DNMT3B: variants seen among roughly 807,000 people sequenced by gnomAD.
DNMT3B encodes the protein DNA (cytosine-5)-methyltransferase 3B.
In DNMT3B, 37 loss-of-function variants were observed where a neutral mutation model predicts 120.2. That is an observed-to-expected ratio of 0.31 (90% CI 0.24 to 0.40). The LOEUF (loss-of-function observed/expected upper bound fraction) is 0.40, where lower values mean the gene tolerates loss of function less well. Ranked by LOEUF, DNMT3B falls within the 10% of genes least tolerant of loss-of-function variation. The pLI is 1.00. For synonymous variants in DNMT3B, 412 were observed against 442.8 expected (o/e 0.93, Z 0.87); for missense variants, 878 against 1,137.3 (o/e 0.77, Z 3.28).
chr20:32,764,143 A>G, intron 1 of DNMT3B, among the ~76,000 whole-genome samples: 1 of 152,106 alleles, frequency 6.6e-6, no homozygotes, highest in Non-Finnish European at 1.5e-5. Flanking sequence ...TCCTTAAGGA[A>G]GCATAGTTCT....
chr20:32,789,128 A>T (rs1243686189), intron 7 of DNMT3B, 116 bp downstream of exon 7: 14 of 1,465,794 alleles, frequency 9.6e-6, no homozygotes, highest in Non-Finnish European at 1.1e-5. Flanking sequence ...ATGCCTTCAC[A>T]CTGTCTGGGA....
intron 1 of DNMT3B, among the ~76,000 whole-genome samples, chr20:32,773,440 G>A (rs1987867694): frequency 6.6e-6 from 1 of 152,038 alleles, no homozygotes; most frequent in Admixed American, 6.6e-5. Flanking sequence ...TTCTTGATTG[G>A]CCCTGTGGTG....
At chr20:32,804,043 T>C (rs1981681344) in intron 20 of DNMT3B, among the ~76,000 whole-genome samples, 1 of 152,046 alleles carries the variant, frequency 6.6e-6, no homozygotes, top group South Asian at 2.1e-4. Flanking sequence ...ACAGTGTGAG[T>C]GGTGGCCCCT....
At chr20:32,798,406 G>T in intron 14 of DNMT3B, 54 bp from the exon 15 acceptor site, 2 of 1,607,646 alleles carry the variant, frequency 1.2e-6, no homozygotes, top group Non-Finnish European at 8.5e-7. Flanking sequence ...TAAGGGGGTG[G>T]CACAGGAGAC....
chr20:32,793,502 T>A (rs770538114), intron 9 of DNMT3B, 34 bp from the exon 10 acceptor site: 2 of 1,611,366 alleles, frequency 1.2e-6, no homozygotes, highest in Non-Finnish European at 1.7e-6. Context: ...TAATGTAATG[T>A]TTTTTCTGTT....
intron 13 of DNMT3B, 130 bp from the exon 14 acceptor site, chr20:32,797,057 G>T (rs201038667): frequency 1.2e-6 from 2 of 1,605,620 alleles, no homozygotes; most frequent in African/African-American, 1.3e-5. Flanking sequence ...ACAGCCAGTT[G>T]TCCTTTTAAA....
intron 20 of DNMT3B, among the ~76,000 whole-genome samples, chr20:32,804,072 A>G (rs144886344): frequency 7.9e-4 from 120 of 152,258 alleles, no homozygotes; most frequent in African/African-American, 2.8e-3. Context: ...CAGCACAGCA[A>G]TCCTGTGACT....
chr20:32,778,969 T>C (rs1332626871), intron 1 of DNMT3B, among the ~76,000 whole-genome samples: 1 of 151,816 alleles, frequency 6.6e-6, no homozygotes, highest in Non-Finnish European at 1.5e-5. Context: ...GATGGATGGA[T>C]GGATGGATGG....
In DNMT3B at chr20:32,780,362, C is replaced by T. The variant is rs147580720; in HGVS notation, c.39C>T (p.Asp13=). 58 of 1,613,866 alleles carry T rather than the reference C, an allele frequency of 3.6e-5. No individual in the cohort carries two copies. In the Middle Eastern group the frequency reaches 6.6e-4, roughly 18 times the overall value. ...CCAGGCATCTCAATGGAGAGGAGGA[C>T]GCCGGCGGGAGGGAAGACTCGATCC... ...GDTRHLNGEE[D]AGGREDSILV... The change falls in exon 2 of 23, where the codon GAC becomes GAT. Residue 13 remains aspartate (D), a synonymous_variant. Coordinates refer to ENST00000328111, the MANE Select transcript of DNMT3B (RefSeq NM_006892.4).
chr20:32,796,083 G>T (rs968602724), intron 12 of DNMT3B, among the ~76,000 whole-genome samples: 2 of 152,154 alleles, frequency 1.3e-5, no homozygotes, highest in Non-Finnish European at 2.9e-5. Flanking sequence ...CACTGGATTG[G>T]ATACTCTGAT....
intron 15 of DNMT3B, among the ~76,000 whole-genome samples, 187 bp downstream of exon 15, chr20:32,798,830 A>T (rs757845106): frequency 5.9e-5 from 9 of 151,720 alleles, no homozygotes; most frequent in Non-Finnish European, 1.3e-4. Context: ...GGGTTCATTC[A>T]CTCCCTCCTT....
Position 32,787,334 on chromosome 20 carries a change from G to A in DNMT3B, c.537G>A (p.Gly179=), listed in dbSNP as rs778458712. The change falls in exon 6 of 23, where the codon GGG becomes GGA. Residue 179 remains glycine, a synonymous_variant. Transcript: ENST00000328111. ...DLTDDTEDTH[G]TPQSSSTPYA... ...CAGACGACACAGAGGACACACATGGGACGCCCCAGAGCAGCAGTACCCCCT... is the reference window on the plus strand; with the variant it reads ...CAGACGACACAGAGGACACACATGGAACGCCCCAGAGCAGCAGTACCCCCT... The A allele has an allele frequency of 3.1e-6, 5 of 1,614,096 alleles. No individual in the cohort carries two copies. The African/African-American group carries it at 6.7e-5, about 22-fold the overall frequency.
At chr20:32,777,589 T>C (rs1188138142) in intron 1 of DNMT3B, among the ~76,000 whole-genome samples, 1 of 152,192 alleles carries the variant, frequency 6.6e-6, no homozygotes, top group Non-Finnish European at 1.5e-5. Flanking sequence ...CCAGAGCACT[T>C]TGGGGAGGTG....
At chr20:32,787,095 C>T in intron 5 of DNMT3B, 135 bp from the exon 6 acceptor site, 2 of 1,071,146 alleles carry the variant, frequency 1.9e-6, no homozygotes, top group East Asian at 4.7e-5. Context: ...GGAAAAGTTT[C>T]TTCAGCGGTC....
At chr20:32,766,027 G>A (rs1987347732) in intron 1 of DNMT3B, among the ~76,000 whole-genome samples, 1 of 152,158 alleles carries the variant, frequency 6.6e-6, no homozygotes, top group Non-Finnish European at 1.5e-5. Context: ...AAAGTGCTGA[G>A]ATTACAGGCG....
At chr20:32,803,138 A>G (rs924235531) in intron 20 of DNMT3B, among the ~76,000 whole-genome samples, 2 of 152,214 alleles carry the variant, frequency 1.3e-5, no homozygotes, top group Admixed American at 6.5e-5. Context: ...GGAGCATTTC[A>G]TATTTTGTTA....
intron 14 of DNMT3B, 63 bp from the exon 15 acceptor site, chr20:32,798,397 A>C (rs1980898047): frequency 1.2e-6 from 2 of 1,601,884 alleles, no homozygotes; most frequent in African/African-American, 1.3e-5. Flanking sequence ...TGGAAGTGGT[A>C]AGGGGGTGGC....
In DNMT3B at chr20:32,801,381, A is replaced by G. The variant is rs1359981895; in HGVS notation, c.2100A>G (p.Val700=). The G allele has an allele frequency of 1.2e-6, 2 of 1,614,020 alleles. No homozygotes were observed. Among genetic ancestry groups the G allele is most frequent in the Admixed American group, 1.7e-5 (1 of 60,000 alleles). ...TCTTCTGGATGTTTGAGAATGTTGT[A>G]GCCATGAAGGTTGGCGACAAGAGGG... ...RPFFWMFENV[V]AMKVGDKRDI... The change falls in exon 19 of 23, where the codon GTA becomes GTG. Residue 700 remains valine, a synonymous_variant. Transcript: ENST00000328111.
Position 32,793,548 on chromosome 20 carries a change from C to T in DNMT3B, c.1079C>T (p.Ser360Leu), listed in dbSNP as rs766544393. 7.1e-5 allele frequency: 115 copies of T among 1,614,032 alleles called. No homozygotes were observed. Among genetic ancestry groups the T allele is most frequent in the Non-Finnish European group, 9.0e-5 (106 of 1,180,030 alleles). Reference protein sequence around the residue: ...PNNTQPVVNKSKVRRAGSRKL... With the variant: ...PNNTQPVVNKLKVRRAGSRKL... ...TTCCCCTCAAAAGTGGTTAATAAGT[C>T]GAAGGTGCGTCGTGCAGGCAGTAGG... The change falls in exon 10 of 23, where the codon TCG becomes TTG. Residue 360 changes from serine to leucine, a missense_variant. Physicochemically the swap from Ser to Leu is moderately radical, Grantham distance 145 (BLOSUM62 -2). Transcript: ENST00000328111.
Sources: gnomAD v4.1 joint callset for allele counts (sites outside exome capture counted in the v4.1 genomes callset) on GRCh38, gnomAD v4.1.1 for gene constraint, MANE v1.5 for transcripts, NCBI Gene and HGNC (gene_info 2026-07-23, HGNC 2026-07-21) for gene names.